The following ZNF420 variants were observed in gnomAD, a reference collection of about 807,000 sequenced individuals.
ZNF420 encodes zinc finger protein 420.
ZNF420 carries 31 observed loss-of-function variants against 44.7 expected under a neutral mutation model. The ratio of observed to expected loss-of-function variants is 0.69; its 90% CI spans 0.52 to 0.94. The LOEUF is 0.94. ZNF420 is among the 40% of genes least tolerant of loss of function. The pLI, the probability that ZNF420 is intolerant of heterozygous loss-of-function variation, is 0.00. For synonymous variants in ZNF420, 245 were observed against 267.4 expected (o/e 0.92, Z 0.82); for missense variants, 681 against 827.9 (o/e 0.82, Z 2.18).
intron 1 of ZNF420, among the ~76,000 whole-genome samples, chr19:37,059,731 C>T (rs1338802364): frequency 1.3e-5 from 2 of 152,112 alleles, no homozygotes; most frequent in African/African-American, 4.8e-5. Context: ...GAGAGCAGAA[C>T]CCCGCAGCCT....
chr19:37,012,300 G>A (rs2074575761), intron 1 of ZNF420, among the ~76,000 whole-genome samples: 1 of 152,254 alleles, frequency 6.6e-6, no homozygotes, highest in Non-Finnish European at 1.5e-5. Context: ...CTGACTTCCA[G>A]GAGCGGAGCG....
intron 1 of ZNF420, among the ~76,000 whole-genome samples, chr19:37,046,572 A>G (rs1260809343): frequency 6.6e-6 from 1 of 152,212 alleles, no homozygotes; most frequent in Non-Finnish European, 1.5e-5. Context: ...CTAAATATAA[A>G]TTCAGGGTAG....
At chr19:37,036,729 A>G (rs1284814718) in intron 1 of ZNF420, among the ~76,000 whole-genome samples, 3 of 152,222 alleles carry the variant, frequency 2.0e-5, no homozygotes, top group Non-Finnish European at 4.4e-5. Flanking sequence ...CCATCCAAGC[A>G]TATAGAGCTC....
chr19:37,058,402 A>T (rs1967797712), intron 1 of ZNF420, among the ~76,000 whole-genome samples: 1 of 152,050 alleles, frequency 6.6e-6, no homozygotes. Flanking sequence ...CTGTCTTATT[A>T]TTGAGAGACA....
rs570658440 is a variant in ZNF420, at chr19:37,051,709, C to T, written c.-124-28636C>T. On this transcript the variant is annotated intron_variant, in intron 1 of 4. Coordinates refer to the ZNF420 transcript ENST00000587029. ...TGATTTTTTGAAGGGTTTTTTGTGT[C>T]TCTATTTCCTTCAGTTCTGCTCTGA... 2.0e-5 allele frequency among the ~76,000 whole-genome samples: 3 copies of T among 152,204 alleles called. No homozygotes were observed. In the South Asian group the frequency reaches 6.2e-4, roughly 32 times the overall value.
chr19:37,076,811 G>A (rs578056262), upstream of ZNF420, among the ~76,000 whole-genome samples: 1 of 152,158 alleles, frequency 6.6e-6, no homozygotes, highest in East Asian at 1.9e-4. Context: ...CTTTGCTATC[G>A]TGAATAGTGC....
At chr19:37,065,740 GTTGTT>G (rs1267100908) in intron 1 of ZNF420, among the ~76,000 whole-genome samples, 2 of 152,198 alleles carry the variant, frequency 1.3e-5, no homozygotes, top group Non-Finnish European at 2.9e-5. Context: ...ATAAATTTGT[GTTGTT>G]TTAAGTCACT....
At chr19:37,008,366 C>T (rs182853746) in intron 1 of ZNF420, among the ~76,000 whole-genome samples, 2 of 152,238 alleles carry the variant, frequency 1.3e-5, no homozygotes, top group African/African-American at 4.8e-5. Flanking sequence ...CGCCAAAGGG[C>T]AATTTCTTGC....
intron 2 of ZNF420, among the ~76,000 whole-genome samples, chr19:37,085,936 TTTATTATTA>T (rs34624393): frequency 0.18 from 24,068 of 137,504 alleles, 2,237 homozygotes; most frequent in Middle Eastern, 0.23. Context: ...TGGCTGATGT[TTTATTATTA>T]TTATTATTAT....
chr19:37,026,372 G>T (rs1293521537), intron 1 of ZNF420, among the ~76,000 whole-genome samples: 1 of 151,010 alleles, frequency 6.6e-6, no homozygotes, highest in Non-Finnish European at 1.5e-5. Flanking sequence ...CCAGGCTGGA[G>T]TGCAATGGGG....
In ZNF420 at chr19:37,039,877, TG is replaced by T. The variant is rs557265430; in HGVS notation, c.-125+31796del. Among the ~76,000 whole-genome samples the T allele has an allele frequency of 8.8e-3, 1,336 of 152,120 alleles. 9 individuals carry two copies. Among genetic ancestry groups the T allele is most frequent in the South Asian group, 0.015 (71 of 4,810 alleles). On this transcript the variant is annotated intron_variant, in intron 1 of 4. Coordinates refer to the ZNF420 transcript ENST00000587029. ...CACAATACATAGCTACTTTTTGATT[TG>T]TTTTTTTGTTTGTTTGTTTGTTGTT...
At chr19:37,033,199 T>C (rs545142911) in intron 1 of ZNF420, among the ~76,000 whole-genome samples, 2 of 152,338 alleles carry the variant, frequency 1.3e-5, no homozygotes, top group Non-Finnish European at 2.9e-5. Context: ...TGGCAAAATA[T>C]ACATAGCATA....
At chr19:37,111,649 C>G (rs1423071950) in intron 4 of ZNF420, 1 of 152,168 alleles carries the variant, frequency 6.6e-6, no homozygotes, top group East Asian at 1.9e-4. Context: ...TTATCTCTAA[C>G]TGGTTGAAGA....
chr19:37,056,867 G>T (rs1430558886), intron 1 of ZNF420, among the ~76,000 whole-genome samples: 1 of 152,224 alleles, frequency 6.6e-6, no homozygotes, highest in Non-Finnish European at 1.5e-5. Context: ...CTCCCACGTC[G>T]CCGCCTACCG....
chr19:37,021,558 C>A (rs777419046), intron 1 of ZNF420, among the ~76,000 whole-genome samples: 13 of 152,174 alleles, frequency 8.5e-5, no homozygotes, highest in Non-Finnish European at 1.8e-4. Context: ...TGAACCACCA[C>A]ACTGGGCCGA....
intron 1 of ZNF420, among the ~76,000 whole-genome samples, chr19:37,060,257 G>GT (rs971126946): frequency 2.0e-5 from 3 of 152,178 alleles, no homozygotes; most frequent in Admixed American, 6.5e-5. Flanking sequence ...GGAGATGGTT[G>GT]TATCTCCTCG....
chr19:37,014,469 G>T (rs73623569), intron 1 of ZNF420, among the ~76,000 whole-genome samples: 1,996 of 152,220 alleles, frequency 0.013, 46 homozygotes, highest in African/African-American at 0.045. Flanking sequence ...CCCACCTCAC[G>T]GTCTGAAGCG....
At chr19:37,078,349 C>G (rs1444965000), upstream of ZNF420, 2 of 152,328 alleles carry the variant, frequency 1.3e-5, no homozygotes, top group Middle Eastern at 3.4e-3. Flanking sequence ...GACTACATTT[C>G]CCAGAGGCAC....
At chr19:37,107,460 T>C (rs1970156684) in intron 4 of ZNF420, 1 of 152,372 alleles carries the variant, frequency 6.6e-6, no homozygotes, top group Admixed American at 6.5e-5. Context: ...CACATGTCTC[T>C]GTGAGCACAG....
Sources: allele counts gnomAD v4.1 joint callset (sites outside exome capture counted in the v4.1 genomes callset), GRCh38; gene constraint gnomAD v4.1.1; transcripts MANE v1.5; gene names NCBI Gene and HGNC (gene_info 2026-07-23, HGNC 2026-07-21).